Variants in IMMT observed in about 807,000 individuals in gnomAD.
IMMT encodes the protein MICOS complex subunit MIC60.
IMMT carries 40 observed loss-of-function variants against 92.7 expected under a neutral mutation model. That is an observed-to-expected ratio of 0.43 (90% CI 0.34 to 0.56). The LOEUF is 0.56. IMMT is among the 20% of genes least tolerant of loss of function. The probability of loss-of-function intolerance (pLI) is 0.03; values close to 1 mark genes in which losing one functional copy is unlikely to be tolerated. For synonymous variants in IMMT, 322 were observed against 336.1 expected (o/e 0.96, Z 0.46); for missense variants, 831 against 912.1 (o/e 0.91, Z 1.14).
chr2:86,193,930 A>G (rs1220139876), intron 1 of IMMT, among the ~76,000 whole-genome samples: 1 of 152,252 alleles, frequency 6.6e-6, no homozygotes, highest in African/African-American at 2.4e-5. Flanking sequence ...GTCTAATCAC[A>G]TAAGCCTTTT....
chr2:86,145,254 G>T (rs1674907953), intron 14 of IMMT, among the ~76,000 whole-genome samples: 1 of 126,454 alleles, frequency 7.9e-6, no homozygotes, highest in African/African-American at 2.5e-5. Flanking sequence ...CAGCAATTTG[G>T]GAGGCCGAGG....
Position 86,181,360 on chromosome 2 carries a change from C to T in IMMT, c.58G>A (p.Gly20Arg). The part of the protein sequence containing the change: ...VTAAAQSCLC[G>R]KFVLRPLRPC... ...CGCAATGGACGGAGGACAAACTTCC[C>T]ACAGAGACAACTCTAAAGAAGGAAA... The change falls in exon 2 of 15, where the codon GGG becomes AGG. Residue 20 changes from glycine (G) to arginine (R), a missense_variant. By Grantham distance (125) the Gly-to-Arg change is moderately radical (BLOSUM62 -2). Transcript: ENST00000410111. The T allele has an allele frequency of 6.2e-7, 1 of 1,613,332 alleles. No homozygotes were observed. Among genetic ancestry groups the T allele is most frequent in the Non-Finnish European group, 8.5e-7 (1 of 1,179,428 alleles).
At chr2:86,179,103 T>C (rs536911391) in intron 3 of IMMT, among the ~76,000 whole-genome samples, 16 of 152,306 alleles carry the variant, frequency 1.1e-4, no homozygotes, top group African/African-American at 3.8e-4. Context: ...ACAAACTGCA[T>C]CTGTACTAAA....
intron 4 of IMMT, chr2:86,173,441 G>A (rs1283013621): frequency 2.7e-5 from 12 of 440,498 alleles, no homozygotes; most frequent in East Asian, 2.7e-4. Flanking sequence ...TTAGCTGGGC[G>A]TGCTGGCACA....
chr2:86,173,151 T>C (rs1677214210), intron 4 of IMMT, among the ~76,000 whole-genome samples: 1 of 152,212 alleles, frequency 6.6e-6, no homozygotes. Context: ...AGTTCAAATG[T>C]ATACTGAACA....
chr2:86,164,052 A>ATTTTTTTTTTTTTTTTTTTTT (rs540613367), intron 7 of IMMT, among the ~76,000 whole-genome samples: 1 of 63,030 alleles, frequency 1.6e-5, no homozygotes, highest in African/African-American at 5.6e-5. Context: ...CACTTTAGTC[A>ATTTTTTTTTTTTTTTTTTTTT]TTTTTTTTTT....
intron 8 of IMMT, among the ~76,000 whole-genome samples, chr2:86,161,307 G>A (rs1290698527): frequency 2.0e-5 from 3 of 151,810 alleles, no homozygotes; most frequent in Non-Finnish European, 4.4e-5. Context: ...GACTACAGGC[G>A]CATGCCACCA....
At chr2:86,160,164 G>A (rs954712577) in intron 8 of IMMT, 2 of 152,454 alleles carry the variant, frequency 1.3e-5, no homozygotes, top group African/African-American at 4.8e-5. Context: ...GAACCAGAGA[G>A]GTAGCATGGT....
intron 14 of IMMT, among the ~76,000 whole-genome samples, chr2:86,145,847 A>G (rs553889951): frequency 7.2e-5 from 11 of 152,280 alleles, no homozygotes; most frequent in African/African-American, 2.6e-4. Context: ...TACTGGGTAA[A>G]TAGCCTTGTA....
At chr2:86,167,265 G>A (rs929700718) in intron 6 of IMMT, among the ~76,000 whole-genome samples, 2 of 142,050 alleles carry the variant, frequency 1.4e-5, no homozygotes, top group Admixed American at 7.1e-5. Flanking sequence ...TCCGCCTCCC[G>A]GGTTCACGCC....
At chr2:86,167,388 T>C (rs113118582) in intron 6 of IMMT, among the ~76,000 whole-genome samples, 36 of 151,356 alleles carry the variant, frequency 2.4e-4, no homozygotes, top group African/African-American at 8.2e-4. Context: ...TTAGCCAGGA[T>C]AGTCTCCATC....
rs372257547 is a variant in IMMT, at chr2:86,147,826, T to A, written c.1409A>T (p.Glu470Val). The stretch of plus-strand genomic sequence containing the variant: ...TTCATTTTCCATGGCATCTCTGACT[T>A]CTTCTATCTGTGAAACCAAACATAG... ...IQAEQDRKIE[E>V]VRDAMENEMR... The change falls in exon 13 of 15, where the codon GAA (glutamate) becomes GTA (valine). Residue 470 changes from glutamate to valine, a missense_variant. Glu to Val is a moderately radical substitution (Grantham distance 121). Coordinates refer to ENST00000410111, the MANE Select transcript of IMMT (RefSeq NM_006839.3). 1.8e-5 allele frequency: 29 copies of A among 1,613,586 alleles called. No homozygotes were observed. The highest frequency in any genetic ancestry group is 2.3e-5 in the Non-Finnish European group (27 of 1,179,818).
chr2:86,173,182 G>A (rs1270094043), intron 4 of IMMT, among the ~76,000 whole-genome samples: 2 of 152,248 alleles, frequency 1.3e-5, no homozygotes, highest in Admixed American at 1.3e-4. Context: ...CAACAGGCAA[G>A]TGCTGTAAAT....
At chr2:86,171,120 A>G (rs893273067) in intron 5 of IMMT, 88 bp downstream of exon 5, 3 of 1,156,978 alleles carry the variant, frequency 2.6e-6, no homozygotes, top group Admixed American at 5.1e-5. Flanking sequence ...GTGTAAATGT[A>G]TACTTAGTGT....
Position 86,153,556 on chromosome 2 carries a change from T to C in IMMT, c.1177+4A>G. ...TTTAAACATGAAATATACATAACAC[T>C]CACCTAAGTCTGAAACACCTACAAA... On this transcript the variant is annotated splice_donor_region_variant and intron_variant, in intron 11 of 14. Coordinates refer to ENST00000410111, the MANE Select transcript of IMMT (RefSeq NM_006839.3). 1 of 1,470,260 alleles carries C rather than the reference T, an allele frequency of 6.8e-7. No individual in the cohort carries two copies. Among genetic ancestry groups the C allele is most frequent in the Non-Finnish European group, 9.2e-7 (1 of 1,089,686 alleles). 91.1% of individuals were successfully genotyped at this position (1,470,260 alleles called of 1,614,324 possible).
chr2:86,192,126 CAGG>C (rs1477822129), intron 1 of IMMT, among the ~76,000 whole-genome samples: 2 of 152,050 alleles, frequency 1.3e-5, no homozygotes, highest in African/African-American at 2.4e-5. Context: ...CCCAGCTACT[CAGG>C]AGGTGAGGTG....
At chr2:86,162,621 G>A (rs114225469) in intron 7 of IMMT, among the ~76,000 whole-genome samples, 1,944 of 151,984 alleles carry the variant, frequency 0.013, 43 homozygotes, top group African/African-American at 0.044. Flanking sequence ...TGAGACCAGC[G>A]GATCACGAGG....
Position 86,144,669 on chromosome 2 carries a change from A to G in IMMT, c.1876T>C (p.Tyr626His), listed in dbSNP as rs1230653294. The change falls in exon 15 of 15, where the codon TAC (tyrosine) becomes CAC (histidine). Residue 626 changes from tyrosine (Y) to histidine (H), a missense_variant. Transcript: ENST00000410111. Reference protein sequence around the residue: ...IPPESLTRGVYSEETLRARFY... With the variant: ...IPPESLTRGVHSEETLRARFY... ...CGGGCTCTAAGGGTCTCTTCACTGTACACCCCACGGGTCAGGGACTCTGGA... is the reference window on the plus strand; with the variant it reads ...CGGGCTCTAAGGGTCTCTTCACTGTGCACCCCACGGGTCAGGGACTCTGGA... The G allele has an allele frequency of 6.2e-7, 1 of 1,613,946 alleles. No individual in the cohort carries two copies. The highest frequency in any genetic ancestry group is 1.1e-5 in the South Asian group (1 of 91,084).
chr2:86,193,520 TG>T (rs943659070), intron 1 of IMMT, among the ~76,000 whole-genome samples: 3 of 151,954 alleles, frequency 2.0e-5, no homozygotes. Flanking sequence ...GTCACCTGCT[TG>T]GGGATTAAAG....
Sources: gnomAD v4.1 joint callset for allele counts (sites outside exome capture counted in the v4.1 genomes callset) on GRCh38, gnomAD v4.1.1 for gene constraint, MANE v1.5 for transcripts, NCBI Gene and HGNC (gene_info 2026-07-23, HGNC 2026-07-21) for gene names.